Variants in NRG3 observed in about 807,000 individuals in gnomAD.
NRG3 encodes pro-neuregulin-3, membrane-bound isoform.
A neutral mutation model predicts 66.9 loss-of-function variants in NRG3; 31 were observed. That is an observed-to-expected ratio of 0.46 (90% CI 0.35 to 0.63). NRG3 has a LOEUF of 0.63. Among genes scored for constraint, NRG3 ranks in the 20% least tolerant of loss-of-function variants. The pLI is 0.00. For synonymous variants in NRG3, 393 were observed against 359.4 expected (o/e 1.09, Z -1.06); for missense variants, 910 against 878.9 (o/e 1.04, Z -0.45).
intron 1 of NRG3, among the ~76,000 whole-genome samples, chr10:82,082,619 G>A (rs1363769323): frequency 6.6e-6 from 1 of 152,148 alleles, no homozygotes; most frequent in Non-Finnish European, 1.5e-5. Flanking sequence ...TAGGAAACAT[G>A]AGCCTGACAA....
At chr10:82,955,314 A>G (rs1366698053) in intron 5 of NRG3, 1 of 151,870 alleles carries the variant, frequency 6.6e-6, no homozygotes, top group African/African-American at 2.4e-5. Context: ...ACCCATAGCA[A>G]CTCTAAAAAA....
intron 4 of NRG3, among the ~76,000 whole-genome samples, chr10:82,877,461 C>A: frequency 6.8e-6 from 1 of 146,366 alleles, no homozygotes; most frequent in African/African-American, 2.5e-5. Context: ...CTCACTGCAA[C>A]CTCTGCCTCC....
chr10:81,942,949 TAG>T (rs1848526060), intron 1 of NRG3, among the ~76,000 whole-genome samples: 1 of 152,206 alleles, frequency 6.6e-6, no homozygotes, highest in African/African-American at 2.4e-5. Context: ...ACATTAAAGT[TAG>T]AGTCTTCTAA....
At chr10:81,947,423 C>T (rs1848945576) in intron 1 of NRG3, among the ~76,000 whole-genome samples, 1 of 152,064 alleles carries the variant, frequency 6.6e-6, no homozygotes, top group East Asian at 1.9e-4. Flanking sequence ...ACCAAAATGA[C>T]TTTTCAGGCT....
chr10:81,984,917 C>G (rs76405080), intron 1 of NRG3, among the ~76,000 whole-genome samples: 6,565 of 152,150 alleles, frequency 0.043, 160 homozygotes, highest in Non-Finnish European at 0.055. Flanking sequence ...TGAAAAAATA[C>G]AAAACGGTGT....
intron 1 of NRG3, among the ~76,000 whole-genome samples, chr10:82,014,843 G>A (rs1417750854): frequency 6.6e-6 from 1 of 152,104 alleles, no homozygotes; most frequent in African/African-American, 2.4e-5. Context: ...GCTAGAAAGA[G>A]GAAGGGAGGA....
intron 2 of NRG3, among the ~76,000 whole-genome samples, chr10:82,485,946 T>C (rs1842645331): frequency 6.6e-6 from 1 of 151,976 alleles, no homozygotes; most frequent in Non-Finnish European, 1.5e-5. Context: ...TACAACTCAA[T>C]AACAAAAAAG....
rs150943337 is a variant in NRG3, at chr10:82,981,729, A to G, written c.1583+2609A>G. Among the ~76,000 whole-genome samples the G allele has an allele frequency of 9.1e-4, 139 of 152,264 alleles. 3 individuals are homozygous for G. The East Asian group carries it at 0.023, about 25-fold the overall frequency. ...AGGTGGAGAGGAGATTCTTGAGGAA[A>G]CTTTGTCATGACTGGATCCCTGGTC... On this transcript the variant is annotated intron_variant, in intron 8 of 8. Transcript: ENST00000372141.
chr10:82,227,986 G>A (rs1284391212), intron 1 of NRG3, among the ~76,000 whole-genome samples: 32 of 152,052 alleles, frequency 2.1e-4, no homozygotes, highest in Admixed American at 2.1e-3. Context: ...ACTTTTTAGA[G>A]CAGAGATCAC....
chr10:82,555,342 G>C (rs1159377721), intron 2 of NRG3, among the ~76,000 whole-genome samples: 1 of 152,122 alleles, frequency 6.6e-6, no homozygotes, highest in Non-Finnish European at 1.5e-5. Flanking sequence ...GCAGAACATT[G>C]CTGGAGAAAA....
intron 4 of NRG3, among the ~76,000 whole-genome samples, chr10:82,929,089 G>A (rs1454420840): frequency 6.6e-6 from 1 of 152,088 alleles, no homozygotes; most frequent in African/African-American, 2.4e-5. Flanking sequence ...AAAATGGATC[G>A]TTTTATCCTA....
intron 3 of NRG3, among the ~76,000 whole-genome samples, chr10:82,754,081 G>A (rs562097376): frequency 6.6e-6 from 1 of 151,494 alleles, no homozygotes; most frequent in Non-Finnish European, 1.5e-5. Flanking sequence ...TTTCCTAGAT[G>A]ATTACACAGA....
At chr10:82,028,532 A>G (rs1051118820) in intron 1 of NRG3, among the ~76,000 whole-genome samples, 3 of 152,072 alleles carry the variant, frequency 2.0e-5, no homozygotes, top group Admixed American at 2.0e-4. Flanking sequence ...TGCTTGTTGA[A>G]TGGATGTGAA....
chr10:82,484,167 A>G (rs754885587), intron 2 of NRG3, among the ~76,000 whole-genome samples: 5 of 152,210 alleles, frequency 3.3e-5, no homozygotes, highest in East Asian at 1.9e-4. Flanking sequence ...AATCTGGGAT[A>G]CATATGGATA....
intron 4 of NRG3, among the ~76,000 whole-genome samples, chr10:82,917,433 G>A (rs1179556621): frequency 6.6e-6 from 1 of 152,224 alleles, no homozygotes; most frequent in African/African-American, 2.4e-5. Flanking sequence ...TTCATTTAAG[G>A]ACAATGCTTT....
chr10:82,528,199 A>G lies in NRG3; in HGVS notation c.953+169331A>G, dbSNP rs1846909126. On this transcript the variant is annotated intron_variant, in intron 2 of 8. Coordinates refer to ENST00000372141, the MANE Select transcript of NRG3 (RefSeq NM_001010848.4). Reference sequence around the variant, plus strand: ...TTGTTGGATCAGTAGGTATACATTCAGGCTTCACATATAGGTGCAGGTTTA... The same window carrying G: ...TTGTTGGATCAGTAGGTATACATTCGGGCTTCACATATAGGTGCAGGTTTA... Among the ~76,000 whole-genome samples, 4 of 152,208 alleles carry G rather than the reference A, an allele frequency of 2.6e-5. No individual in the cohort carries two copies. The South Asian group carries it at 8.3e-4, about 32-fold the overall frequency.
At chr10:82,729,120 C>T (rs1194905025) in intron 2 of NRG3, among the ~76,000 whole-genome samples, 1 of 152,148 alleles carries the variant, frequency 6.6e-6, no homozygotes, top group African/African-American at 2.4e-5. Context: ...TTCTAAGTGG[C>T]AGAATTGGAG....
intron 3 of NRG3, among the ~76,000 whole-genome samples, chr10:82,838,531 G>C (rs1243835108): frequency 2.6e-5 from 4 of 152,060 alleles, no homozygotes; most frequent in African/African-American, 4.8e-5. Context: ...CAAAGATTTA[G>C]AGAAGTTAGT....
intron 1 of NRG3, among the ~76,000 whole-genome samples, chr10:82,223,798 G>C (rs1228455280): frequency 6.6e-6 from 1 of 152,036 alleles, no homozygotes; most frequent in Non-Finnish European, 1.5e-5. Context: ...TCTTATAAAT[G>C]TAGTCAACTA....
Sources: gnomAD v4.1 joint callset for allele counts (sites outside exome capture counted in the v4.1 genomes callset) on GRCh38, gnomAD v4.1.1 for gene constraint, MANE v1.5 for transcripts, NCBI Gene and HGNC (gene_info 2026-07-23, HGNC 2026-07-21) for gene names.